Variants in CDON observed in about 807,000 individuals in gnomAD.
CDON encodes cell adhesion associated, oncogene regulated.
Under a neutral mutation model 120.9 loss-of-function variants are expected in CDON, and 73 were observed. The observed-to-expected ratio is 0.60, with a 90% CI of 0.50 to 0.73. The LOEUF (loss-of-function observed/expected upper bound fraction) is 0.73, where lower values mean the gene tolerates loss of function less well. Ranked by LOEUF, CDON falls within the 30% of genes least tolerant of loss-of-function variation. The pLI, the probability that CDON is intolerant of heterozygous loss-of-function variation, is 0.00. For missense variants in CDON, 1,470 were observed against 1,587.3 expected (o/e 0.93, Z 1.26); for synonymous variants, 566 against 573.5 (o/e 0.99, Z 0.19).
chr11:126,047,335 C>G (rs1948430208), intron 1 of CDON, among the ~76,000 whole-genome samples: 1 of 152,082 alleles, frequency 6.6e-6, no homozygotes, highest in South Asian at 2.1e-4. Context: ...AAACTTTCAC[C>G]ATTACCTATT....
chr11:125,984,029 C>T lies in CDON; in HGVS notation c.2838G>A (p.Leu946=). The stretch of plus-strand genomic sequence containing the variant: ...CAGGCCCCACATTTCCTCCACTTCC[C>T]AAAGAATTTGGAGGGGTACTCAAGT... ...VKDLSTPPNS[L]GSGGNVGPAT... The change falls in exon 16 of 20, where the codon TTG becomes TTA. Residue 946 remains leucine (L), a synonymous_variant. Transcript: ENST00000531738. 2 of 1,614,038 alleles carry T rather than the reference C, an allele frequency of 1.2e-6. No homozygotes were observed. The highest frequency in any genetic ancestry group is 1.7e-6 in the Non-Finnish European group (2 of 1,179,954).
At chr11:126,048,106 G>T (rs1262911437) in intron 1 of CDON, among the ~76,000 whole-genome samples, 1 of 151,770 alleles carries the variant, frequency 6.6e-6, no homozygotes, top group Non-Finnish European at 1.5e-5. Context: ...GAGAAACCTC[G>T]TCTTTACTAA....
At position 125,958,565 on chromosome 11, in the gene CDON, A is replaced by ATATGTGTGTGTGTGTGTGTG. The variant is rs371911236; in HGVS notation, c.*2376_*2377insCACACACACACACACACATA. 7.2e-4 allele frequency: 94 copies of ATATGTGTGTGTGTGTGTGTG among 130,102 alleles called. No individual in the cohort carries two copies. The highest frequency in any genetic ancestry group is 1.7e-3 in the African/African-American group (60 of 34,908). 8.1% of individuals were successfully genotyped at this position (130,102 alleles called of 1,614,324 possible). Reference sequence around the variant, plus strand: ...AAGGCAATTATATATATATATATATATGTGTGTGTGTGTGTGTGTGTGTGT... The same window carrying ATATGTGTGTGTGTGTGTGTG: ...AAGGCAATTATATATATATATATATATATGTGTGTGTGTGTGTGTGTGTGTGTGTGTGTGTGTGTGTGTGT... On this transcript the variant is annotated 3_prime_UTR_variant, in exon 20 of 20. Coordinates refer to ENST00000531738, the MANE Select transcript of CDON (RefSeq NM_001378964.1).
Position 125,959,122 on chromosome 11 carries a change from TA to T in CDON, c.*1819del, listed in dbSNP as rs1222870227. The T allele has an allele frequency of 6.6e-6, 1 of 152,234 alleles. No individual in the cohort carries two copies. The highest frequency in any genetic ancestry group is 1.5e-5 in the Non-Finnish European group (1 of 68,048). 9.4% of individuals were successfully genotyped at this position (152,234 alleles called of 1,614,324 possible). On this transcript the variant is annotated 3_prime_UTR_variant, in exon 20 of 20. Transcript: ENST00000531738. ...CTAGGGAATTACATTCACTACATTC[TA>T]CTGGAAGTAACTCTTGCATAGTGAC...
intron 1 of CDON, among the ~76,000 whole-genome samples, chr11:126,055,345 T>C (rs10466607): frequency 0.22 from 33,760 of 152,108 alleles, 4,144 homozygotes; most frequent in African/African-American, 0.3. Context: ...GGAATTGGTA[T>C]GGATGGGCAT....
intron 1 of CDON, among the ~76,000 whole-genome samples, chr11:126,058,281 G>C (rs1004872203): frequency 6.6e-6 from 1 of 152,144 alleles, no homozygotes; most frequent in Non-Finnish European, 1.5e-5. Flanking sequence ...ATATACAGCA[G>C]AACAAAATGT....
At chr11:125,997,111 C>T in intron 12 of CDON, 96 bp downstream of exon 12, 2 of 998,994 alleles carry the variant, frequency 2.0e-6, no homozygotes, top group South Asian at 2.7e-5. Flanking sequence ...TGCACTCCAG[C>T]CTGGGCCAAC....
chr11:126,053,548 C>T (rs529788903), intron 1 of CDON, among the ~76,000 whole-genome samples: 2 of 152,296 alleles, frequency 1.3e-5, no homozygotes, highest in Admixed American at 6.5e-5. Context: ...TGTTTTTACA[C>T]AGAGGGATAA....
chr11:125,971,406 A>G (rs1287659118), intron 18 of CDON, among the ~76,000 whole-genome samples: 1 of 149,346 alleles, frequency 6.7e-6, no homozygotes, highest in African/African-American at 2.5e-5. Flanking sequence ...AAATAAATAA[A>G]TAAATAATAA....
rs1392093536 is a variant in CDON, at chr11:125,961,819, T to C, written c.3536A>G (p.Asn1179Ser). 3 of 1,614,164 alleles carry C rather than the reference T, an allele frequency of 1.9e-6. No individual in the cohort carries two copies. The South Asian group carries it at 3.3e-5, about 18-fold the overall frequency. Residue 1179 changes from asparagine to serine, a missense_variant, in exon 19 of 20, where the codon AAT (asparagine) becomes AGT (serine). Physicochemically the swap from Asn to Ser is conservative, Grantham distance 46 (BLOSUM62 1). Transcript: ENST00000531738. ...GQLPEESVKDNVEPVPTQRTC... is the reference protein window; with the variant it reads ...GQLPEESVKDSVEPVPTQRTC... ...ACGCTGAGTAGGGACTGGTTCCACA[T>C]TGTCCTTGACGCTCTCCTCCGGCAA...
At position 126,008,552 on chromosome 11, in the gene CDON, CG is replaced by C. The variant is rs565199133; in HGVS notation, c.1552+1788del. ...AGTTCACATAACTTCAAAGGGCTTC[CG>C]ATTTCTCATATTTAAGGTGAGGAAG... On this transcript the variant is annotated intron_variant, in intron 8 of 19. Coordinates refer to ENST00000531738, the MANE Select transcript of CDON (RefSeq NM_001378964.1). 2.7e-3 allele frequency among the ~76,000 whole-genome samples: 416 copies of C among 152,178 alleles called. 2 individuals carry two copies. The highest frequency in any genetic ancestry group is 9.2e-3 in the African/African-American group (381 of 41,520).
At chr11:125,982,848 T>C (rs1254136333) in intron 16 of CDON, among the ~76,000 whole-genome samples, 106 of 151,970 alleles carry the variant, frequency 7.0e-4, no homozygotes, top group Admixed American at 6.9e-3. Flanking sequence ...ATGATCACCA[T>C]CCCTTTCAGA....
intron 1 of CDON, among the ~76,000 whole-genome samples, chr11:126,025,776 AT>A (rs1268409572): frequency 1.3e-5 from 2 of 152,172 alleles, no homozygotes; most frequent in Non-Finnish European, 2.9e-5. Context: ...GGAGGTGGGA[AT>A]TGAGCAATTA....
intron 14 of CDON, among the ~76,000 whole-genome samples, chr11:125,993,277 G>A (rs1184645423): frequency 1.3e-5 from 2 of 152,126 alleles, no homozygotes; most frequent in Non-Finnish European, 2.9e-5. Flanking sequence ...ATAGCAGTGG[G>A]AGAAAAGGTC....
At chr11:126,000,795 C>T (rs1047637646) in intron 11 of CDON, among the ~76,000 whole-genome samples, 3 of 152,058 alleles carry the variant, frequency 2.0e-5, no homozygotes, top group Non-Finnish European at 4.4e-5. Flanking sequence ...TGTCTGACAT[C>T]AATTCATGGA....
chr11:126,039,974 C>T (rs1303146053), intron 1 of CDON, among the ~76,000 whole-genome samples: 2 of 152,122 alleles, frequency 1.3e-5, no homozygotes, highest in African/African-American at 4.8e-5. Context: ...GTTTTCCTTC[C>T]GCACTTATGG....
At chr11:126,029,915 G>A (rs1323707501) in intron 1 of CDON, among the ~76,000 whole-genome samples, 1 of 152,176 alleles carries the variant, frequency 6.6e-6, no homozygotes, top group African/African-American at 2.4e-5. Context: ...ATGCAGCTAA[G>A]TGTAGTAAAA....
rs771376995 is a variant in CDON at position 126,003,957 on chromosome 11, T to G, written c.1971A>C (p.Ala657=). The change falls in exon 10 of 20, where the codon GCA becomes GCC. Residue 657 remains alanine (A), a synonymous_variant. Coordinates refer to ENST00000531738, the MANE Select transcript of CDON (RefSeq NM_001378964.1). ...PSSLYEVLMV[A]RSAAGEGQPA... is the part of the protein sequence containing the mutation. ...GTTGGCCTTCACCTGCTGCGCTTCTTGCTACCATCAAGACTTCATAAAGAC... is the reference window on the plus strand; with the variant it reads ...GTTGGCCTTCACCTGCTGCGCTTCTGGCTACCATCAAGACTTCATAAAGAC... The G allele has an allele frequency of 1.2e-6, 2 of 1,614,162 alleles. No individual in the cohort carries two copies. The highest frequency in any genetic ancestry group is 1.7e-6 in the Non-Finnish European group (2 of 1,180,028).
chr11:125,970,443 G>A (rs1945946967), intron 18 of CDON, among the ~76,000 whole-genome samples: 1 of 152,070 alleles, frequency 6.6e-6, no homozygotes, highest in Non-Finnish European at 1.5e-5. Context: ...AAAGTGCTGG[G>A]ATTACAGACG....
Sources: gnomAD v4.1 joint callset for allele counts (sites outside exome capture counted in the v4.1 genomes callset) on GRCh38, gnomAD v4.1.1 for gene constraint, MANE v1.5 for transcripts, NCBI Gene and HGNC (gene_info 2026-07-23, HGNC 2026-07-21) for gene names.